Variants in TAFA2 observed in about 807,000 individuals in gnomAD.
The protein encoded by TAFA2 is chemokine-like protein TAFA-2.
In TAFA2, 7 loss-of-function variants were observed where a neutral mutation model predicts 18.8. That is an observed-to-expected ratio of 0.37 (90% CI 0.21 to 0.70). The LOEUF (loss-of-function observed/expected upper bound fraction) is 0.70. Ranked by LOEUF, TAFA2 falls within the 30% of genes least tolerant of loss-of-function variation. The probability of loss-of-function intolerance (pLI) is 0.53; values close to 1 mark genes in which losing one functional copy is unlikely to be tolerated. For synonymous variants in TAFA2, 60 were observed against 54.2 expected, an observed-to-expected ratio of 1.11 and a Z score of -0.47; for missense variants, 122 against 158.1, an observed-to-expected ratio of 0.77 and a Z score of 1.23.
intron 1 of TAFA2, among the ~76,000 whole-genome samples, chr12:61,930,756 G>A (rs985380865): frequency 6.6e-6 from 1 of 152,128 alleles, no homozygotes; most frequent in Non-Finnish European, 1.5e-5. Context: ...AGAATTTTTT[G>A]TCTTCCTCTT....
chr12:62,036,144 G>A (rs1459271717), intron 1 of TAFA2, among the ~76,000 whole-genome samples: 1 of 152,046 alleles, frequency 6.6e-6, no homozygotes, highest in Non-Finnish European at 1.5e-5. Context: ...CCCATACCCA[G>A]TTGTGAGAAC....
chr12:61,779,806 G>C (rs1870426633), intron 2 of TAFA2, among the ~76,000 whole-genome samples: 1 of 151,732 alleles, frequency 6.6e-6, no homozygotes, highest in African/African-American at 2.4e-5. Context: ...TATGCTGCAG[G>C]TGGCCACTAG....
chr12:62,099,911 G>T (rs1869115783), intron 1 of TAFA2, among the ~76,000 whole-genome samples: 1 of 152,042 alleles, frequency 6.6e-6, no homozygotes, highest in Admixed American at 6.6e-5. Context: ...TTTTCATTTA[G>T]ATGATGTTTT....
intron 4 of TAFA2, among the ~76,000 whole-genome samples, chr12:61,744,299 C>T (rs1868593273): frequency 6.6e-6 from 1 of 152,072 alleles, no homozygotes; most frequent in Admixed American, 6.6e-5. Context: ...TTTGGAGTAA[C>T]ATCTACAGAT....
At position 61,853,102 on chromosome 12, in the gene TAFA2, C is replaced by T. The variant is rs537419121; in HGVS notation, c.106+14218G>A. 1.5e-3 allele frequency among the ~76,000 whole-genome samples: 222 copies of T among 152,254 alleles called. 4 individuals are homozygous for T. The highest frequency in any genetic ancestry group is 5.1e-3 in the African/African-American group (212 of 41,550). ...GTGAGGTGATGAATAGGTTAATCAG[C>T]TTGTGGTAATCATTTCATAATGTAT... is the stretch of plus-strand genomic sequence containing the variant. On this transcript the variant is annotated intron_variant, in intron 2 of 4. Coordinates refer to ENST00000416284, the MANE Select transcript of TAFA2 (RefSeq NM_178539.5).
At chr12:62,156,802 G>A (rs145512905) in intron 1 of TAFA2, among the ~76,000 whole-genome samples, 1 of 152,222 alleles carries the variant, frequency 6.6e-6, no homozygotes, top group East Asian at 1.9e-4. Flanking sequence ...CTGCTTGGAT[G>A]TTGGGTGCAC....
At chr12:62,169,623 G>A (rs576003514) in intron 1 of TAFA2, among the ~76,000 whole-genome samples, 90 of 152,178 alleles carry the variant, frequency 5.9e-4, no homozygotes, top group African/African-American at 2.0e-3. Context: ...AGGCCGAGGC[G>A]GGCAGATCAC....
chr12:61,845,913 C>A (rs1455890696), intron 2 of TAFA2, among the ~76,000 whole-genome samples: 4 of 152,094 alleles, frequency 2.6e-5, no homozygotes, highest in African/African-American at 7.2e-5. Flanking sequence ...GTTTCCTAAT[C>A]CCATTTTATA....
At chr12:61,784,935 T>G (rs1167235353) in intron 2 of TAFA2, among the ~76,000 whole-genome samples, 2 of 151,590 alleles carry the variant, frequency 1.3e-5, no homozygotes, top group African/African-American at 4.8e-5. Context: ...TCCATCACCC[T>G]GGACATTTAT....
At chr12:62,099,390 C>T (rs573372413) in intron 1 of TAFA2, among the ~76,000 whole-genome samples, 1 of 152,166 alleles carries the variant, frequency 6.6e-6, no homozygotes, top group African/African-American at 2.4e-5. Flanking sequence ...TTTATCTTTC[C>T]TTCTTCATAA....
At position 62,110,057 on chromosome 12, in the gene TAFA2, C is replaced by T. The variant is rs530530410; in HGVS notation, c.-2+81202G>A. Among the ~76,000 whole-genome samples the T allele has an allele frequency of 1.1e-4, 16 of 146,590 alleles. No individual in the cohort carries two copies. The South Asian group carries it at 3.2e-3, about 30-fold the overall frequency. ...AGAGAGGGCATCCTTGTCATGTTTTCGTTTTCAAAGGTAATGCTCCAGCTT... is the reference window on the plus strand; with the variant it reads ...AGAGAGGGCATCCTTGTCATGTTTTTGTTTTCAAAGGTAATGCTCCAGCTT... On this transcript the variant is annotated intron_variant, in intron 1 of 4. Transcript: ENST00000416284.
At chr12:61,770,385 T>C (rs1032069516) in intron 2 of TAFA2, among the ~76,000 whole-genome samples, 1 of 152,022 alleles carries the variant, frequency 6.6e-6, no homozygotes, top group Non-Finnish European at 1.5e-5. Flanking sequence ...AAGCTCAAAG[T>C]ACACCTGGGA....
At chr12:61,783,438 C>CAGTT (rs1363519292) in intron 2 of TAFA2, among the ~76,000 whole-genome samples, 1 of 151,532 alleles carries the variant, frequency 6.6e-6, no homozygotes, top group Non-Finnish European at 1.5e-5. Flanking sequence ...TGTACTTGGG[C>CAGTT]AGTTATCAAA....
At chr12:62,136,942 T>C (rs1423706551) in intron 1 of TAFA2, among the ~76,000 whole-genome samples, 3 of 152,070 alleles carry the variant, frequency 2.0e-5, no homozygotes, top group African/African-American at 7.2e-5. Context: ...TTTGAAGAGA[T>C]TCCCTGAGGC....
intron 2 of TAFA2, among the ~76,000 whole-genome samples, chr12:61,764,499 C>A (rs1264727472): frequency 2.0e-5 from 3 of 151,870 alleles, no homozygotes; most frequent in African/African-American, 7.3e-5. Flanking sequence ...TTGGGGCTCT[C>A]ATGTGTAGTT....
chr12:62,108,159 C>T (rs1367675869), intron 1 of TAFA2, among the ~76,000 whole-genome samples: 1 of 152,088 alleles, frequency 6.6e-6, no homozygotes, highest in East Asian at 1.9e-4. Flanking sequence ...CCCAACAGGC[C>T]CCAGTGTGTG....
intron 1 of TAFA2, among the ~76,000 whole-genome samples, chr12:62,124,852 T>C (rs918811912): frequency 2.6e-5 from 4 of 152,164 alleles, no homozygotes; most frequent in African/African-American, 9.7e-5. Flanking sequence ...AGCCAGCCCA[T>C]ATCCTTTCTC....
intron 1 of TAFA2, among the ~76,000 whole-genome samples, chr12:62,223,375 C>T (rs943251987): frequency 2.6e-5 from 4 of 152,052 alleles, no homozygotes; most frequent in Non-Finnish European, 5.9e-5. Context: ...ATGAGGTCTC[C>T]GTATGTTGTC....
At chr12:62,199,460 T>C (rs950509997) in intron 1 of TAFA2, among the ~76,000 whole-genome samples, 5 of 152,122 alleles carry the variant, frequency 3.3e-5, no homozygotes, top group Non-Finnish European at 7.4e-5. Context: ...ACATGCGGTG[T>C]TTGGTGTTCT....
Sources: allele counts gnomAD v4.1 joint callset (sites outside exome capture counted in the v4.1 genomes callset), GRCh38; gene constraint gnomAD v4.1.1; transcripts MANE v1.5; gene names NCBI Gene and HGNC (gene_info 2026-07-23, HGNC 2026-07-21).